JAML: variants seen among roughly 807,000 people sequenced by gnomAD.
JAML encodes junction adhesion molecule like.
Under a neutral mutation model 39.3 loss-of-function variants are expected in JAML, and 25 were observed. The ratio of observed to expected loss-of-function variants is 0.64; its 90% CI spans 0.46 to 0.89. The LOEUF (loss-of-function observed/expected upper bound fraction) is 0.89, where lower values mean the gene tolerates loss of function less well. JAML is among the 40% of genes least tolerant of loss of function. The pLI, the probability that JAML is intolerant of heterozygous loss-of-function variation, is 0.00. For synonymous variants in JAML, 162 were observed against 179.2 expected, an observed-to-expected ratio of 0.90 and a Z score of 0.77; for missense variants, 440 against 486.9, an observed-to-expected ratio of 0.90 and a Z score of 0.91.
In JAML at chr11:118,205,980, G is replaced by A. The variant is rs1310861072; in HGVS notation, c.436C>T (p.His146Tyr). The change falls in exon 5 of 10, where the codon CAT becomes TAT. Residue 146 changes from histidine (H) to tyrosine (Y), a missense_variant. Coordinates refer to ENST00000356289, the MANE Select transcript of JAML (RefSeq NM_001098526.2). Reference sequence around the variant, plus strand: ...CCCATCTGAATCAATCCACCCACATGGACCATGAGCTCTGAGGATAAAACA... The same window carrying A: ...CCCATCTGAATCAATCCACCCACATAGACCATGAGCTCTGAGGATAAAACA... ...LPEEPKELMV[H>Y]VGGLIQMGCV... is the part of the protein sequence containing the mutation. 1.2e-6 allele frequency: 2 copies of A among 1,613,274 alleles called. No individual in the cohort carries two copies. The highest frequency in any genetic ancestry group is 1.7e-6 in the Non-Finnish European group (2 of 1,179,368).
At chr11:118,212,930 G>C (rs747684753) in intron 2 of JAML, 66 of 1,614,070 alleles carry the variant, frequency 4.1e-5, no homozygotes, top group Admixed American at 2.2e-4. Context: ...CGACGAAATG[G>C]GTTGTTCCTT....
chr11:118,196,663 C>G (rs979300955), intron 9 of JAML, 72 bp downstream of exon 9: 2 of 1,392,040 alleles, frequency 1.4e-6, no homozygotes, highest in African/African-American at 2.9e-5. Context: ...CTTGGGCAAC[C>G]CAGCCACGCC....
chr11:118,205,905 T>A lies in JAML; in HGVS notation c.511A>T (p.Ile171Leu). 2 of 1,614,126 alleles carry A rather than the reference T, an allele frequency of 1.2e-6. No homozygotes were observed. Among genetic ancestry groups the A allele is most frequent in the Non-Finnish European group, 1.7e-6 (2 of 1,179,978 alleles). ...ACCTTTGCGCGCCGTCCTGAAAATA[T>A]CCATTCTACCTTGGTCACGTGTTTC... ...EVKHVTKVEW[I>L]FSGRRAKEEI... The change falls in exon 5 of 10, where the codon ATA becomes TTA. Residue 171 changes from isoleucine (I) to leucine (L), a missense_variant. Ile to Leu is a conservative substitution (Grantham distance 5). Transcript: ENST00000356289.
intron 5 of JAML, chr11:118,204,132 T>G (rs1439420598): frequency 5.5e-6 from 1 of 181,076 alleles, no homozygotes; most frequent in Non-Finnish European, 1.2e-5. Flanking sequence ...ATCCTTAATT[T>G]CTGTCTTTCT....
At chr11:118,198,559 A>G (rs998678938) in intron 7 of JAML, among the ~76,000 whole-genome samples, 1 of 151,736 alleles carries the variant, frequency 6.6e-6, no homozygotes, top group Non-Finnish European at 1.5e-5. Context: ...CACCCGACCC[A>G]AGCCCCAAGC....
rs1239446791 is a variant in JAML, at chr11:118,222,973, T to C, written c.-21+1968A>G. On this transcript the variant is annotated intron_variant, in intron 1 of 9. Transcript: ENST00000356289. This position sits in a 1 kb window ranked among gnomAD's most constrained non-coding sequence, Gnocchi z 4.2. ...AATCAGGTGTGGTGGTGAGCGCCTG[T>C]AATCCCAGCTACTTGGGAGGCTGAG... 6.6e-6 allele frequency among the ~76,000 whole-genome samples: 1 copy of C among 151,560 alleles called. No individual in the cohort carries two copies. Among genetic ancestry groups the C allele is most frequent in the East Asian group, 2.0e-4 (1 of 5,122 alleles).
At position 118,203,650 on chromosome 11, in the gene JAML, G is replaced by T. The variant is rs774147626; in HGVS notation, c.550C>A (p.Arg184Ser). Residue 184 changes from arginine (R) to serine (S), a missense_variant, in exon 6 of 10, where the codon CGT becomes AGT. Arg to Ser is a moderately radical substitution (Grantham distance 110). Transcript: ENST00000356289. ...GRRAKEEIVF[R>S]YYHKLRMSVE... ...GACATCCTGAGTTTGTGGTAGTAAC[G>T]AAATACAATCTCCTCCTAGAAGTGA... is the stretch of plus-strand genomic sequence containing the variant. The T allele has an allele frequency of 8.1e-6, 13 of 1,612,144 alleles. No individual in the cohort carries two copies. The highest frequency in any genetic ancestry group is 1.1e-5 in the Non-Finnish European group (13 of 1,178,386).
chr11:118,207,765 T>C (rs575372096), intron 4 of JAML, among the ~76,000 whole-genome samples: 4 of 152,216 alleles, frequency 2.6e-5, no homozygotes, highest in Non-Finnish European at 4.4e-5. Flanking sequence ...AAAATACAGC[T>C]TGCTCCACTA....
At position 118,200,489 on chromosome 11, in the gene JAML, GTCT is replaced by G; in HGVS notation, c.893_895del (p.Lys298del). 1.2e-6 allele frequency: 2 copies of G among 1,614,052 alleles called. No homozygotes were observed. Among genetic ancestry groups the G allele is most frequent in the Non-Finnish European group, 1.7e-6 (2 of 1,180,002 alleles). On this transcript the variant is annotated inframe_deletion, in exon 7 of 10. Coordinates refer to ENST00000356289, the MANE Select transcript of JAML (RefSeq NM_001098526.2). The stretch of plus-strand genomic sequence containing the variant: ...AGCCCTGTACCTCTTATTTCCACAG[GTCT>G]TCTTCACGATCAATATCAGAACAGG...
chr11:118,209,191 T>C, intron 4 of JAML: 1 of 262,988 alleles, frequency 3.8e-6, no homozygotes, highest in Admixed American at 4.5e-5. Context: ...TCCTTTCAAC[T>C]AATACCCAGT....
chr11:118,213,369 C>T, intron 2 of JAML: 2 of 990,016 alleles, frequency 2.0e-6, no homozygotes, highest in Non-Finnish European at 2.4e-6. Flanking sequence ...TGGGAATGAA[C>T]AGAAAATGTG....
chr11:118,216,260 A>G (rs1388703347), intron 1 of JAML, among the ~76,000 whole-genome samples: 1 of 151,982 alleles, frequency 6.6e-6, no homozygotes, highest in African/African-American at 2.4e-5. Flanking sequence ...AATCCCAGCT[A>G]CGGGAGGCTG....
At chr11:118,207,457 G>C (rs761379266) in intron 4 of JAML, among the ~76,000 whole-genome samples, 1 of 152,176 alleles carries the variant, frequency 6.6e-6, no homozygotes, top group Non-Finnish European at 1.5e-5. Flanking sequence ...CTCTACTGTG[G>C]CACCCCACAT....
At chr11:118,194,531 A>G in intron 9 of JAML, 114 bp from the exon 10 acceptor site, 2 of 774,752 alleles carry the variant, frequency 2.6e-6, no homozygotes, top group South Asian at 2.9e-5. Flanking sequence ...ACTGAATTTC[A>G]TATGCATTAT....
chr11:118,212,307 A>G (rs931225106), intron 3 of JAML, 100 bp downstream of exon 3: 2 of 1,441,156 alleles, frequency 1.4e-6, no homozygotes, highest in Non-Finnish European at 1.9e-6. Flanking sequence ...GGCTCTTGCA[A>G]CACCTCCTGG....
chr11:118,203,341 C>T, intron 6 of JAML, 87 bp downstream of exon 6: 1 of 1,260,966 alleles, frequency 7.9e-7, no homozygotes, highest in Non-Finnish European at 1.2e-6. Context: ...ATTTTGCATC[C>T]TAGGAACCTC....
chr11:118,203,928 C>T (rs1948866489), intron 5 of JAML: 2 of 427,248 alleles, frequency 4.7e-6, no homozygotes, highest in Non-Finnish European at 8.6e-6. Flanking sequence ...ATTTTGTGCA[C>T]CTTTCCAATA....
chr11:118,220,879 A>G (rs181460838), intron 1 of JAML, among the ~76,000 whole-genome samples: 11 of 152,332 alleles, frequency 7.2e-5, no homozygotes, highest in Admixed American at 6.5e-4. Context: ...CTGAGGGCTG[A>G]AAGACCCTGA....
intron 1 of JAML, among the ~76,000 whole-genome samples, chr11:118,219,932 C>A (rs1375107420): frequency 6.6e-6 from 1 of 152,242 alleles, no homozygotes; most frequent in Non-Finnish European, 1.5e-5. Flanking sequence ...CTGAAACAAA[C>A]TCTAGTATCC....
Sources: gnomAD v4.1 joint callset for allele counts (sites outside exome capture counted in the v4.1 genomes callset) on GRCh38, gnomAD v4.1.1 for gene constraint, Gnocchi (gnomAD v3.1) non-coding constraint, MANE v1.5 for transcripts, NCBI Gene and HGNC (gene_info 2026-07-23, HGNC 2026-07-21) for gene names.